The following CRB1 variants were observed in gnomAD, a reference collection of about 807,000 sequenced individuals.
CRB1 encodes the protein crumbs cell polarity complex component 1, also known as protein crumbs homolog 1.
In CRB1, 83 loss-of-function variants were observed where a neutral mutation model predicts 120.0. The observed-to-expected ratio is 0.69, with a 90% CI of 0.58 to 0.83. CRB1 has a LOEUF of 0.83. Among genes scored for constraint, CRB1 ranks in the 40% least tolerant of loss-of-function variants. The pLI, the probability that CRB1 is intolerant of heterozygous loss-of-function variation, is 0.00. For synonymous variants in CRB1, 625 were observed against 612.5 expected, an observed-to-expected ratio of 1.02 and a Z score of -0.30; for missense variants, 1,699 against 1,687.6, an observed-to-expected ratio of 1.01 and a Z score of -0.12.
chr1:197,214,928 TA>T, the CRB1 span, among the ~76,000 whole-genome samples: 1 of 150,744 alleles, frequency 6.6e-6, no homozygotes, highest in Non-Finnish European at 1.5e-5. Context: ...ACAAAAATCG[TA>T]AAAACAAAAC....
intron 9 of CRB1, among the ~76,000 whole-genome samples, chr1:197,437,312 G>T (rs1224775820): frequency 6.6e-6 from 1 of 152,114 alleles, no homozygotes; most frequent in Non-Finnish European, 1.5e-5. Context: ...GCCTGTGAAA[G>T]CAAGGCACTG....
At chr1:197,260,459 A>T in the CRB1 span, among the ~76,000 whole-genome samples, 754 of 152,036 alleles carry the variant, frequency 5.0e-3, 4 homozygotes, top group Middle Eastern at 0.01. Context: ...TTAATTTTTT[A>T]AAATAAAATT....
chr1:197,308,816 T>G (rs901177262), intron 1 of CRB1, among the ~76,000 whole-genome samples: 2 of 151,354 alleles, frequency 1.3e-5, no homozygotes, highest in African/African-American at 4.8e-5. Context: ...TGCTTTTATG[T>G]AAACAAATAA....
intron 1 of CRB1, chr1:197,304,466 A>G: frequency 1.3e-6 from 1 of 773,168 alleles, no homozygotes; most frequent in Non-Finnish European, 1.6e-6. Flanking sequence ...TATGATTTTC[A>G]TATTCTTCAT....
intron 11 of CRB1, among the ~76,000 whole-genome samples, chr1:197,468,229 T>C (rs900843035): frequency 3.9e-5 from 6 of 152,108 alleles, no homozygotes; most frequent in African/African-American, 1.4e-4. Context: ...TCCTTTCTCC[T>C]TGTTTTTCCT....
At chr1:197,269,093 T>A (rs1654762945) in intron 1 of CRB1, among the ~76,000 whole-genome samples, 1 of 152,194 alleles carries the variant, frequency 6.6e-6, no homozygotes, top group Admixed American at 6.6e-5. Flanking sequence ...TCTGAGATAA[T>A]CTTGTCGGTT....
chr1:197,453,140 G>C (rs527855873), intron 11 of CRB1, among the ~76,000 whole-genome samples: 33 of 151,802 alleles, frequency 2.2e-4, no homozygotes, highest in South Asian at 8.3e-4. Flanking sequence ...AATATTGTTT[G>C]AGTTCACTTA....
chr1:197,416,493 T>C (rs1015589457), intron 5 of CRB1, among the ~76,000 whole-genome samples: 2 of 152,160 alleles, frequency 1.3e-5, no homozygotes, highest in African/African-American at 4.8e-5. Flanking sequence ...TCTTCTAGTT[T>C]GTAGTCTGAG....
At chr1:197,398,888 ATGATTGTG>A (rs1376054564) in intron 5 of CRB1, among the ~76,000 whole-genome samples, 67 of 117,154 alleles carry the variant, frequency 5.7e-4, no homozygotes, top group African/African-American at 5.4e-4. Flanking sequence ...GGGTCAGGAA[ATGATTGTG>A]TGTGTGTGTG....
intron 1 of CRB1, among the ~76,000 whole-genome samples, chr1:197,274,926 T>A (rs1310972354): frequency 6.6e-6 from 1 of 152,018 alleles, no homozygotes; most frequent in Non-Finnish European, 1.5e-5. Flanking sequence ...TAAAGCAACA[T>A]AAATGTATTC....
intron 9 of CRB1, 79 bp downstream of exon 9, chr1:197,435,691 CT>C (rs1665126218): frequency 7.9e-7 from 1 of 1,269,030 alleles, no homozygotes; most frequent in Non-Finnish European, 1.1e-6. Context: ...GGAAAGCTCT[CT>C]CCTCAAGGTA....
chr1:197,257,465 T>C, the CRB1 span, among the ~76,000 whole-genome samples: 1 of 152,120 alleles, frequency 6.6e-6, no homozygotes, highest in African/African-American at 2.4e-5. Context: ...TCTCACTCAA[T>C]TGGTCCTCAT....
At chr1:197,420,741 G>A (rs530907633) in intron 5 of CRB1, among the ~76,000 whole-genome samples, 1 of 152,282 alleles carries the variant, frequency 6.6e-6, no homozygotes, top group South Asian at 2.1e-4. Flanking sequence ...GTGATAGTTG[G>A]AATCAATCAC....
intron 5 of CRB1, among the ~76,000 whole-genome samples, chr1:197,366,717 A>G (rs1661095863): frequency 6.6e-6 from 1 of 152,178 alleles, no homozygotes; most frequent in South Asian, 2.1e-4. Flanking sequence ...CCCCTGAAGG[A>G]GGATTAACTT....
chr1:197,268,865 A>G (rs978877054), intron 1 of CRB1, among the ~76,000 whole-genome samples: 1 of 152,214 alleles, frequency 6.6e-6, no homozygotes, highest in Non-Finnish European at 1.5e-5. Context: ...ATTTCATTTT[A>G]TTCCCACATA....
intron 11 of CRB1, among the ~76,000 whole-genome samples, chr1:197,457,155 C>A (rs544111905): frequency 1.3e-5 from 2 of 152,114 alleles, no homozygotes; most frequent in Admixed American, 1.3e-4. Context: ...CTCCCCCACA[C>A]AATCAGCATT....
At chr1:197,405,972 C>A (rs1168293635) in intron 5 of CRB1, among the ~76,000 whole-genome samples, 3 of 149,888 alleles carry the variant, frequency 2.0e-5, no homozygotes, top group Non-Finnish European at 4.5e-5. Flanking sequence ...GCCCCCCGCC[C>A]GGCCAGCCGC....
chr1:197,211,880 C>T, the CRB1 span, among the ~76,000 whole-genome samples: 1 of 151,402 alleles, frequency 6.6e-6, no homozygotes, highest in African/African-American at 2.4e-5. Flanking sequence ...ATTTGGCAAG[C>T]ATATATCTGG....
At chr1:197,455,332 A>C (rs966957779) in intron 11 of CRB1, among the ~76,000 whole-genome samples, 1 of 152,002 alleles carries the variant, frequency 6.6e-6, no homozygotes, top group East Asian at 1.9e-4. Context: ...TTAGTTACCA[A>C]TTTTCTTGAA....
Sources: allele counts gnomAD v4.1 joint callset (sites outside exome capture counted in the v4.1 genomes callset), GRCh38; gene constraint gnomAD v4.1.1; transcripts MANE v1.5; gene names NCBI Gene and HGNC (gene_info 2026-07-23, HGNC 2026-07-21).